The following KIF26B variants were observed in gnomAD, a reference collection of about 807,000 sequenced individuals.
KIF26B encodes kinesin family member 26B, also known as kinesin-like protein KIF26B.
Under a neutral mutation model 151.2 loss-of-function variants are expected in KIF26B, and 63 were observed. The ratio of observed to expected loss-of-function variants is 0.42; its 90% CI spans 0.34 to 0.51. The LOEUF (loss-of-function observed/expected upper bound fraction) is 0.51. KIF26B is among the 20% of genes least tolerant of loss of function. The pLI, the probability that KIF26B is intolerant of heterozygous loss-of-function variation, is 0.07. For missense variants in KIF26B, 2,813 were observed against 2,913.6 expected, an observed-to-expected ratio of 0.97 and a Z score of 0.79; for synonymous variants, 1,357 against 1,262.1, an observed-to-expected ratio of 1.08 and a Z score of -1.59.
chr1:245,661,420 G>C (rs1317840228), intron 10 of KIF26B, among the ~76,000 whole-genome samples: 4 of 151,942 alleles, frequency 2.6e-5, no homozygotes, highest in Non-Finnish European at 5.9e-5. Context: ...GGGCTGCTTT[G>C]ATCCCACTGT....
Position 245,374,059 on chromosome 1 carries a change from CA to C in KIF26B, c.999+6728del, listed in dbSNP as rs1172397969. Reference sequence around the variant, plus strand: ...GTGACAGAGACCCGAGAACCTATCTCAAAAAAAAAAAAAAAAAAAAAAAAAA... The same window carrying C: ...GTGACAGAGACCCGAGAACCTATCTCAAAAAAAAAAAAAAAAAAAAAAAAA... On this transcript the variant is annotated intron_variant, in intron 3 of 14. Transcript: ENST00000407071. 1.1e-3 allele frequency among the ~76,000 whole-genome samples: 20 copies of C among 17,492 alleles called. 2 individuals are homozygous for C. The highest frequency in any genetic ancestry group is 4.0e-3 in the South Asian group (1 of 248). 11.5% of individuals were successfully genotyped at this position (17,492 alleles called of 152,430 possible). A position where few individuals can be genotyped will look rare whatever the true frequency, so the allele number is the denominator to read the frequency against.
intron 10 of KIF26B, among the ~76,000 whole-genome samples, chr1:245,679,822 T>C (rs1410735135): frequency 1.3e-5 from 2 of 152,112 alleles, no homozygotes; most frequent in Non-Finnish European, 1.5e-5. Context: ...GTGAAACATG[T>C]ATGCGTAAAC....
intron 3 of KIF26B, among the ~76,000 whole-genome samples, chr1:245,415,588 G>GATTGTA (rs1211585944): frequency 6.6e-6 from 1 of 152,140 alleles, no homozygotes; most frequent in Admixed American, 6.5e-5. Flanking sequence ...CAATGGATAT[G>GATTGTA]ATTGTAATTG....
intron 2 of KIF26B, among the ~76,000 whole-genome samples, chr1:245,351,851 C>G (rs1672575329): frequency 6.6e-6 from 1 of 151,248 alleles, no homozygotes; most frequent in Non-Finnish European, 1.5e-5. Context: ...AGGTTGAGAC[C>G]ATGTTTGTTT....
chr1:245,233,305 C>CT (rs1381506793), intron 2 of KIF26B, among the ~76,000 whole-genome samples: 1 of 152,176 alleles, frequency 6.6e-6, no homozygotes, highest in African/African-American at 2.4e-5. Flanking sequence ...AAATATTCTA[C>CT]TTTGTAGAAA....
At chr1:245,520,847 G>A (rs1415599870) in intron 4 of KIF26B, among the ~76,000 whole-genome samples, 2 of 152,160 alleles carry the variant, frequency 1.3e-5, no homozygotes, top group African/African-American at 4.8e-5. Flanking sequence ...AGGGAACATT[G>A]TAGGATGAAT....
chr1:245,531,984 C>A (rs1324415212), intron 4 of KIF26B, among the ~76,000 whole-genome samples: 1 of 152,046 alleles, frequency 6.6e-6, no homozygotes, highest in Non-Finnish European at 1.5e-5. Flanking sequence ...ACCTGTAGTC[C>A]TCGCTACTCT....
chr1:245,251,428 G>A (rs1031637270), intron 2 of KIF26B, among the ~76,000 whole-genome samples: 2 of 151,940 alleles, frequency 1.3e-5, no homozygotes, highest in Non-Finnish European at 2.9e-5. Flanking sequence ...ATTGTCTTTT[G>A]CTCATCCAGC....
chr1:245,327,135 T>C (rs866358064), intron 2 of KIF26B, among the ~76,000 whole-genome samples: 24 of 152,198 alleles, frequency 1.6e-4, no homozygotes, highest in African/African-American at 5.1e-4. Context: ...CATGTATACA[T>C]GTTGCTGGCG....
At chr1:245,386,245 AAAAG>A (rs1673541242) in intron 3 of KIF26B, among the ~76,000 whole-genome samples, 1 of 152,270 alleles carries the variant, frequency 6.6e-6, no homozygotes, top group Admixed American at 6.5e-5. Context: ...TGTCTCAAAA[AAAAG>A]AAAGAAAAAG....
intron 4 of KIF26B, among the ~76,000 whole-genome samples, chr1:245,487,111 T>C (rs999361535): frequency 6.6e-6 from 1 of 151,702 alleles, no homozygotes; most frequent in Non-Finnish European, 1.5e-5. Context: ...GGGGGGGTGG[T>C]TAGAGTCCCT....
chr1:245,507,957 A>G (rs1043157386), intron 4 of KIF26B, among the ~76,000 whole-genome samples: 21 of 152,098 alleles, frequency 1.4e-4, no homozygotes, highest in African/African-American at 4.8e-4. Flanking sequence ...ATTGGGGCTT[A>G]ATGTGGTGCA....
intron 5 of KIF26B, among the ~76,000 whole-genome samples, chr1:245,556,503 G>T (rs986723056): frequency 2.0e-5 from 3 of 152,042 alleles, no homozygotes; most frequent in African/African-American, 7.2e-5. Flanking sequence ...AAATTCAAGC[G>T]ATCCTCTCAC....
chr1:245,265,042 A>C lies in KIF26B; in HGVS notation c.466-101792A>C, dbSNP rs561758654. On this transcript the variant is annotated intron_variant, in intron 2 of 14. Coordinates refer to ENST00000407071, the MANE Select transcript of KIF26B (RefSeq NM_018012.4). ...GTGAAACCCCGTCTCTACTAAAAAT[A>C]CAAAAAAAAATTAGCCAGGCGTGGT... 7.6e-4 allele frequency among the ~76,000 whole-genome samples: 115 copies of C among 151,688 alleles called. 2 individuals are homozygous for C. The Middle Eastern group carries it at 0.01, about 13-fold the overall frequency.
chr1:245,354,727 C>A (rs888213975), intron 2 of KIF26B, among the ~76,000 whole-genome samples: 4 of 152,174 alleles, frequency 2.6e-5, no homozygotes, highest in African/African-American at 9.7e-5. Flanking sequence ...GAGTTCAGTA[C>A]CTCCACATAA....
At chr1:245,684,023 A>G (rs1558268555) in intron 10 of KIF26B, among the ~76,000 whole-genome samples, 1 of 152,384 alleles carries the variant, frequency 6.6e-6, no homozygotes, top group East Asian at 1.9e-4. Context: ...TGCTTTGCAC[A>G]GATTCCATCT....
chr1:245,420,063 T>C (rs982951109), intron 4 of KIF26B, among the ~76,000 whole-genome samples: 1 of 152,210 alleles, frequency 6.6e-6, no homozygotes, highest in Admixed American at 6.5e-5. Flanking sequence ...CGAGAGTCGC[T>C]GCTCTCTTGA....
intron 5 of KIF26B, among the ~76,000 whole-genome samples, chr1:245,591,682 C>T (rs940096920): frequency 2.6e-5 from 4 of 152,134 alleles, no homozygotes; most frequent in Admixed American, 1.3e-4. Context: ...CACCTGAGAA[C>T]GCCTGTCTCT....
At chr1:245,514,342 C>T (rs909234362) in intron 4 of KIF26B, among the ~76,000 whole-genome samples, 9 of 152,010 alleles carry the variant, frequency 5.9e-5, no homozygotes, top group Non-Finnish European at 7.4e-5. Flanking sequence ...GCCTAGCCAA[C>T]ATGGCAAAAC....
Sources: gnomAD v4.1 joint callset for allele counts (sites outside exome capture counted in the v4.1 genomes callset) on GRCh38, gnomAD v4.1.1 for gene constraint, MANE v1.5 for transcripts, NCBI Gene and HGNC (gene_info 2026-07-23, HGNC 2026-07-21) for gene names.